Variants in OPHN1 observed in about 807,000 individuals in gnomAD.
OPHN1 encodes oligophrenin-1.
In OPHN1, 11 loss-of-function variants were observed where a neutral mutation model predicts 60.7. The observed-to-expected ratio is 0.18, with a 90% CI of 0.11 to 0.30. The LOEUF (loss-of-function observed/expected upper bound fraction) is 0.30. Among genes scored for constraint, OPHN1 ranks in the 10% least tolerant of loss-of-function variants. OPHN1 has a pLI of 1.00. For synonymous variants in OPHN1, 226 were observed against 222.6 expected (o/e 1.02, Z -0.14); for missense variants, 449 against 611.0 (o/e 0.73, Z 2.80).
At chrX:68,416,061 TATATATAGAGAGAGAGAGAGAGAG>T (rs1370830693) in intron 2 of OPHN1, among the ~76,000 whole-genome samples, 10 of 6,310 alleles carry the variant, frequency 1.6e-3, no homozygotes, top group African/African-American at 1.8e-3. Context: ...TATATATATA[TATATATAGAGAGAGAGAGAGAGAG>T]AGAGAGAGAG....
rs987079422 is a variant in OPHN1, at chrX:68,361,503, T to TA, written c.155-62408dup. 5.6e-5 allele frequency among the ~76,000 whole-genome samples: 6 copies of TA among 106,263 alleles called. No individual in the cohort carries two copies. In the South Asian group the frequency reaches 2.0e-3, roughly 35 times the overall value. The allele number at this position is 106,263 out of a possible 115,157, so 92.3% of individuals were successfully genotyped here. On this transcript the variant is annotated intron_variant, in intron 2 of 24. Coordinates refer to ENST00000355520, the MANE Select transcript of OPHN1 (RefSeq NM_002547.3). ...TGAAAAAAAAAATAAAAATAAAAAA[T>TA]AAAAAAAATATATATGTATATATGT... is the stretch of plus-strand genomic sequence containing the variant.
At chrX:68,311,097 C>CA (rs58371159) in intron 2 of OPHN1, among the ~76,000 whole-genome samples, 7,102 of 106,707 alleles carry the variant, frequency 0.067, 661 homozygotes, top group African/African-American at 0.23. Context: ...TCTACCCCTT[C>CA]AAAAAAAAAA....
At chrX:68,162,299 T>C (rs746169903) in intron 15 of OPHN1, among the ~76,000 whole-genome samples, 1 of 110,944 alleles carries the variant, frequency 9.0e-6, no homozygotes, top group African/African-American at 3.3e-5. Context: ...CTGTTTTTTA[T>C]GCTGAGTTCT....
chrX:68,103,343 ACT>A lies in OPHN1; in HGVS notation c.1527-6316_1527-6315del, dbSNP rs1483424777. ...ATTTGAAAATCACTTCATGCTAAAA[ACT>A]CTCAATAAACTAAGTATTGATGGAA... is the stretch of plus-strand genomic sequence containing the variant. On this transcript the variant is annotated intron_variant, in intron 18 of 24. Coordinates refer to ENST00000355520, the MANE Select transcript of OPHN1 (RefSeq NM_002547.3). Among the ~76,000 whole-genome samples, 4 of 111,860 alleles carry A rather than the reference ACT, an allele frequency of 3.6e-5. No individual in the cohort carries two copies. In the East Asian group the frequency reaches 1.1e-3, roughly 31 times the overall value.
chrX:68,209,992 C>CTTTTTTTTTTTTTTTTTT, intron 9 of OPHN1, 161 bp downstream of exon 9: 1 of 447,206 alleles, frequency 2.2e-6, no homozygotes, highest in South Asian at 3.0e-5. Context: ...TCAGTTTCTC[C>CTTTTTTTTTTTTTTTTTT]TTTTTTTTTT....
intron 2 of OPHN1, among the ~76,000 whole-genome samples, chrX:68,334,848 T>C (rs2078314037): frequency 9.1e-6 from 1 of 109,494 alleles, no homozygotes; most frequent in African/African-American, 3.3e-5. Context: ...TGGTGGTGCA[T>C]GCCTGTAGTC....
At chrX:68,169,325 G>T (rs1242202165) in intron 15 of OPHN1, among the ~76,000 whole-genome samples, 2 of 111,486 alleles carry the variant, frequency 1.8e-5, no homozygotes, top group Admixed American at 9.5e-5. Context: ...TGGGTAGGAA[G>T]AATCAATATT....
chrX:68,358,202 T>A (rs1025970925), intron 2 of OPHN1, among the ~76,000 whole-genome samples: 3 of 109,578 alleles, frequency 2.7e-5, no homozygotes, highest in Non-Finnish European at 5.7e-5. Context: ...ACACCTGTAG[T>A]CACAACTACT....
At chrX:68,114,548 C>T (rs1329892274) in intron 16 of OPHN1, among the ~76,000 whole-genome samples, 1 of 111,083 alleles carries the variant, frequency 9.0e-6, no homozygotes, top group African/African-American at 3.3e-5. Context: ...ATCACTTAAG[C>T]CCAAGAGTTC....
chrX:68,192,011 G>C (rs2147454226), intron 15 of OPHN1, among the ~76,000 whole-genome samples: 1 of 110,039 alleles, frequency 9.1e-6, no homozygotes, highest in East Asian at 2.9e-4. Flanking sequence ...AACCAATAAA[G>C]ATTACAAGAA....
chrX:68,136,371 T>A (rs1314680201), intron 15 of OPHN1, among the ~76,000 whole-genome samples: 1 of 101,734 alleles, frequency 9.8e-6, no homozygotes, highest in Non-Finnish European at 2.0e-5. Flanking sequence ...TGGCGTGATC[T>A]CGGCTCACTG....
intron 19 of OPHN1, among the ~76,000 whole-genome samples, chrX:68,093,519 C>T (rs988127146): frequency 9.0e-6 from 1 of 110,930 alleles, no homozygotes; most frequent in Non-Finnish European, 1.9e-5. Flanking sequence ...GAGCAGCCGC[C>T]CCATTTTATA....
chrX:68,095,207 G>A (rs191924032), intron 19 of OPHN1, among the ~76,000 whole-genome samples: 16 of 111,610 alleles, frequency 1.4e-4, no homozygotes, highest in African/African-American at 4.2e-4. Context: ...GTGGGTACTC[G>A]ACACATATTT....
chrX:68,281,902 C>A (rs189612792), intron 4 of OPHN1, among the ~76,000 whole-genome samples: 2 of 112,494 alleles, frequency 1.8e-5, no homozygotes, highest in East Asian at 5.6e-4. Flanking sequence ...AAATCCAGAA[C>A]ACTGACAACA....
intron 5 of OPHN1, among the ~76,000 whole-genome samples, chrX:68,252,307 C>G (rs2077839981): frequency 8.9e-6 from 1 of 112,330 alleles, no homozygotes; most frequent in East Asian, 2.8e-4. Flanking sequence ...TTATGTTATT[C>G]TTATGATATC....
chrX:68,421,362 G>A (rs945891505), intron 2 of OPHN1, among the ~76,000 whole-genome samples: 2 of 111,154 alleles, frequency 1.8e-5, no homozygotes, highest in African/African-American at 6.5e-5. Flanking sequence ...CAACCAAACA[G>A]GGAAAAAAAT....
intron 2 of OPHN1, among the ~76,000 whole-genome samples, chrX:68,347,088 T>G (rs944404613): frequency 2.7e-5 from 3 of 111,644 alleles, no homozygotes; most frequent in Non-Finnish European, 5.6e-5. Context: ...ACCTACCTTG[T>G]GGCCCTGCCT....
chrX:68,301,737 C>T (rs911220094), intron 2 of OPHN1, among the ~76,000 whole-genome samples: 18 of 112,033 alleles, frequency 1.6e-4, no homozygotes, highest in African/African-American at 5.8e-4. Flanking sequence ...CATTCTGCCA[C>T]TATGTCAATA....
intron 15 of OPHN1, among the ~76,000 whole-genome samples, chrX:68,150,076 A>T (rs1301667710): frequency 8.9e-6 from 1 of 111,907 alleles, no homozygotes; most frequent in Non-Finnish European, 1.9e-5. Flanking sequence ...CACCACACAG[A>T]ATCATCTAGA....
Sources: gnomAD v4.1 joint callset for allele counts (sites outside exome capture counted in the v4.1 genomes callset) on GRCh38, gnomAD v4.1.1 for gene constraint, MANE v1.5 for transcripts, NCBI Gene and HGNC (gene_info 2026-07-23, HGNC 2026-07-21) for gene names.